Variants in ASZ1 observed in about 807,000 individuals in gnomAD.
ASZ1 encodes the protein ankyrin repeat, SAM and basic leucine zipper domain-containing protein 1.
A neutral mutation model predicts 61.8 loss-of-function variants in ASZ1; 67 were observed. That is an observed-to-expected ratio of 1.08 (90% confidence interval 0.89 to 1.33). ASZ1 has a LOEUF of 1.33. Among genes scored for constraint, ASZ1 ranks in the 40% most tolerant of loss-of-function variants. The pLI, the probability that ASZ1 is intolerant of heterozygous loss-of-function variation, is 0.00. For synonymous variants in ASZ1, 193 were observed against 192.7 expected (o/e 1.00, Z -0.01); for missense variants, 577 against 554.5 (o/e 1.04, Z -0.41).
At chr7:117,418,607 C>T (rs185403887) in intron 4 of ASZ1, among the ~76,000 whole-genome samples, 1 of 151,168 alleles carries the variant, frequency 6.6e-6, no homozygotes, top group East Asian at 1.9e-4. Flanking sequence ...GAGCCAAGAT[C>T]GTGCCACTGC....
Position 117,383,071 on chromosome 7 carries a change from C to A in ASZ1, c.727G>T (p.Gly243Ter). The A allele has an allele frequency of 6.3e-7, 1 of 1,578,442 alleles. No homozygotes were observed. The highest frequency in any genetic ancestry group is 1.2e-5 in the South Asian group (1 of 84,642). Reference protein sequence around the residue: ...LLSFTLNPLEGKLQQLTKEDT... With the variant: ...LLSFTLNPLE ...TCTTTAGTTAGCTGTTGAAGTTTTC[C>A]TTCCAATGGATTTAAAGTAAAAGAA... Residue 243 changes from glycine (G) to a stop codon, truncating the protein, a stop_gained, in exon 7 of 13, where the codon GGA (glycine) becomes TGA (stop). Transcript: ENST00000284629. LOFTEE classifies it high-confidence loss of function.
chr7:117,371,318 T>G (rs1328883151), intron 10 of ASZ1, among the ~76,000 whole-genome samples: 3 of 152,158 alleles, frequency 2.0e-5, no homozygotes, highest in African/African-American at 7.2e-5. Flanking sequence ...TTAAGACAAG[T>G]CTATTCTCTT....
chr7:117,385,857 T>G, intron 4 of ASZ1, 48 bp from the exon 5 acceptor site: 1 of 1,403,926 alleles, frequency 7.1e-7, no homozygotes, highest in Non-Finnish European at 1.0e-6. Flanking sequence ...CTGCCATTAA[T>G]CTCTCATTTT....
rs1796265920 is a variant in ASZ1 at position 117,382,123 on chromosome 7, A to G, written c.834T>C (p.Asp278=). ...HIFSSYTAFG[D]LEVFLHGLGL... ...CAAGACCATGTAAAAATACTTCCAG[A>G]TCTCCAAATGCTGTATATGAACTGT... is the stretch of plus-strand genomic sequence containing the variant. Residue 278 remains aspartate, a synonymous_variant, in exon 8 of 13, where the codon GAT becomes GAC. Coordinates refer to ENST00000284629, the MANE Select transcript of ASZ1 (RefSeq NM_130768.3). 1.9e-6 allele frequency: 3 copies of G among 1,599,068 alleles called. No individual in the cohort carries two copies. The highest frequency in any genetic ancestry group is 2.6e-6 in the Non-Finnish European group (3 of 1,166,874).
intron 10 of ASZ1, among the ~76,000 whole-genome samples, chr7:117,370,446 A>G (rs1413518793): frequency 2.6e-5 from 4 of 152,162 alleles, no homozygotes; most frequent in Non-Finnish European, 5.9e-5. Context: ...AGGAGAAAAG[A>G]TTAGGCACAT....
chr7:117,397,692 G>A (rs540584461), intron 4 of ASZ1, among the ~76,000 whole-genome samples: 1 of 152,280 alleles, frequency 6.6e-6, no homozygotes, highest in African/African-American at 2.4e-5. Flanking sequence ...AGAACATAAG[G>A]CCAATTCATG....
chr7:117,425,614 GTAATT>G (rs1471436728), intron 2 of ASZ1, among the ~76,000 whole-genome samples: 1 of 149,098 alleles, frequency 6.7e-6, no homozygotes, highest in Non-Finnish European at 1.5e-5. Context: ...CTATGTGAAG[GTAATT>G]TAAAGTTTTT....
At chr7:117,364,102 A>G (rs550130078) in intron 12 of ASZ1, among the ~76,000 whole-genome samples, 1 of 152,358 alleles carries the variant, frequency 6.6e-6, no homozygotes, top group South Asian at 2.1e-4. Context: ...TGTGCATTAA[A>G]TATCAATTAA....
intron 4 of ASZ1, among the ~76,000 whole-genome samples, chr7:117,402,627 C>T (rs1018445091): frequency 6.6e-6 from 1 of 152,082 alleles, no homozygotes; most frequent in African/African-American, 2.4e-5. Context: ...TGGACCAGTT[C>T]CAGTGAGCCC....
In ASZ1 at chr7:117,422,278, C is replaced by A. The variant is rs140466585; in HGVS notation, c.287G>T (p.Arg96Leu). Residue 96 changes from arginine (R) to leucine (L), a missense_variant, in exon 3 of 13, where the codon CGG (arginine) becomes CTG (leucine). Arg to Leu is a moderately radical substitution (Grantham distance 102). Coordinates refer to ENST00000284629, the MANE Select transcript of ASZ1 (RefSeq NM_130768.3). ...ATTAGCACCTCTGTCCAAAAGGACC[C>A]GAACCAGCTCTGCATTGGCAACACT... ...AASVANAELV[R>L]VLLDRGANAS... is the part of the protein sequence containing the mutation. 6.2e-7 allele frequency: 1 copy of A among 1,613,816 alleles called. No homozygotes were observed. The highest frequency in any genetic ancestry group is 1.3e-5 in the African/African-American group (1 of 75,016).
intron 4 of ASZ1, among the ~76,000 whole-genome samples, chr7:117,418,409 C>T (rs553333577): frequency 9.9e-5 from 15 of 152,270 alleles, no homozygotes; most frequent in East Asian, 7.7e-4. Flanking sequence ...AATCCTAGCA[C>T]TTTGGGAGGC....
At chr7:117,407,479 G>A (rs1246210777) in intron 4 of ASZ1, among the ~76,000 whole-genome samples, 1 of 151,860 alleles carries the variant, frequency 6.6e-6, no homozygotes, top group African/African-American at 2.4e-5. Context: ...GACCCCCAGT[G>A]GATGCCTGAG....
At chr7:117,372,048 A>T (rs544208683) in intron 10 of ASZ1, among the ~76,000 whole-genome samples, 2 of 152,310 alleles carry the variant, frequency 1.3e-5, no homozygotes, top group South Asian at 4.1e-4. Flanking sequence ...AACAAAACTC[A>T]ACAGTGTGCC....
At chr7:117,373,486 AC>A (rs1278216332) in intron 10 of ASZ1, among the ~76,000 whole-genome samples, 1 of 152,210 alleles carries the variant, frequency 6.6e-6, no homozygotes, top group Admixed American at 6.6e-5. Flanking sequence ...ATAGAAGAAA[AC>A]TATCTTCAAA....
intron 4 of ASZ1, among the ~76,000 whole-genome samples, chr7:117,389,199 G>T (rs1796416843): frequency 6.6e-6 from 1 of 151,590 alleles, no homozygotes; most frequent in Non-Finnish European, 1.5e-5. Flanking sequence ...GATTCAGGAG[G>T]TACACGTTAA....
intron 4 of ASZ1, among the ~76,000 whole-genome samples, chr7:117,408,367 C>T (rs1796831703): frequency 6.6e-6 from 1 of 152,136 alleles, no homozygotes; most frequent in Non-Finnish European, 1.5e-5. Context: ...TCACCCCTAT[C>T]ATTCAATAAA....
intron 12 of ASZ1, among the ~76,000 whole-genome samples, chr7:117,366,176 A>G (rs1250290361): frequency 6.6e-6 from 1 of 151,632 alleles, no homozygotes; most frequent in Non-Finnish European, 1.5e-5. Context: ...AGGCAGGAGA[A>G]TTGCTTGAAT....
intron 4 of ASZ1, among the ~76,000 whole-genome samples, chr7:117,387,365 C>T (rs1796380849): frequency 6.6e-6 from 1 of 151,946 alleles, no homozygotes; most frequent in Non-Finnish European, 1.5e-5. Flanking sequence ...AAAACCCCCA[C>T]ATACACACAT....
intron 4 of ASZ1, among the ~76,000 whole-genome samples, chr7:117,386,837 T>A (rs1796365967): frequency 6.6e-6 from 1 of 152,122 alleles, no homozygotes; most frequent in Non-Finnish European, 1.5e-5. Context: ...GTTTCTTATA[T>A]TTCATGGTAT....
Sources: allele counts gnomAD v4.1 joint callset (sites outside exome capture counted in the v4.1 genomes callset), GRCh38; gene constraint gnomAD v4.1.1; transcripts MANE v1.5; gene names NCBI Gene and HGNC (gene_info 2026-07-23, HGNC 2026-07-21).